HUWE1: variants seen among roughly 807,000 people sequenced by gnomAD.
The protein encoded by HUWE1 is E3 ubiquitin-protein ligase HUWE1.
In HUWE1, 18 loss-of-function variants were observed where a neutral mutation model predicts 299.4. The ratio of observed to expected loss-of-function variants is 0.06; its 90% CI spans 0.04 to 0.09. HUWE1 has a LOEUF of 0.09. Ranked by LOEUF, HUWE1 falls within the 10% of genes least tolerant of loss-of-function variation. The pLI, the probability that HUWE1 is intolerant of heterozygous loss-of-function variation, is 1.00. For synonymous variants in HUWE1, 1,317 were observed against 1,286.1 expected, an observed-to-expected ratio of 1.02 and a Z score of -0.51; for missense variants, 1,832 against 3,462.3, an observed-to-expected ratio of 0.53 and a Z score of 11.82.
intron 23 of HUWE1, among the ~76,000 whole-genome samples, chrX:53,611,689 C>T (rs1301422985): frequency 4.6e-5 from 5 of 109,674 alleles, no homozygotes; most frequent in Non-Finnish European, 9.5e-5. Flanking sequence ...AAAACCCCAT[C>T]TCTACTAAAA....
At chrX:53,597,018 T>A (rs2064520433) in intron 29 of HUWE1, among the ~76,000 whole-genome samples, 1 of 112,120 alleles carries the variant, frequency 8.9e-6, no homozygotes, top group South Asian at 3.7e-4. Context: ...TTTATGTGGG[T>A]ACAGGATTGC....
chrX:53,625,915 G>T (rs782464101), intron 17 of HUWE1: 1 of 376,448 alleles, frequency 2.7e-6, no homozygotes, highest in South Asian at 2.4e-5. Flanking sequence ...CTGGGACCAG[G>T]GCTGGGGCCA....
At chrX:53,535,922 G>GTTTTTTTTTTTTTTTTTTTTTTTTTTTT in intron 80 of HUWE1, 1 of 172,670 alleles carries the variant, frequency 5.8e-6, no homozygotes, top group Non-Finnish European at 1.0e-5. Flanking sequence ...ATGTACTGGA[G>GTTTTTTTTTTTTTTTTTTTTTTTTTTTT]TTTTTTTTTT....
chrX:53,540,461 T>C (rs1461623436), intron 74 of HUWE1, among the ~76,000 whole-genome samples: 1 of 111,207 alleles, frequency 9.0e-6, no homozygotes, highest in Non-Finnish European at 1.9e-5. Context: ...CCTGAGTAGC[T>C]GGAATTACAG....
intron 43 of HUWE1, among the ~76,000 whole-genome samples, chrX:53,577,576 C>A (rs1428830960): frequency 2.7e-5 from 3 of 112,610 alleles, no homozygotes; most frequent in Non-Finnish European, 3.8e-5. Flanking sequence ...CGAGCCAAAG[C>A]TGGACGGTAC....
chrX:53,656,049 A>C, intron 3 of HUWE1, among the ~76,000 whole-genome samples: 1 of 111,317 alleles, frequency 9.0e-6, no homozygotes, highest in Non-Finnish European at 1.9e-5. Context: ...ACTGCACTCC[A>C]GCCTGGGCAA....
intron 77 of HUWE1, among the ~76,000 whole-genome samples, 174 bp from the exon 78 acceptor site, chrX:53,537,870 C>A (rs184399966): frequency 3.5e-4 from 39 of 111,531 alleles, no homozygotes; most frequent in African/African-American, 1.1e-3. Flanking sequence ...TCACTCATTA[C>A]CAACTCTAAA....
intron 59 of HUWE1, among the ~76,000 whole-genome samples, chrX:53,557,670 G>A (rs1367387797): frequency 9.0e-6 from 1 of 111,521 alleles, no homozygotes; most frequent in African/African-American, 3.3e-5. Flanking sequence ...TGGAAGGAAA[G>A]GATAATAAAA....
Position 53,607,561 on chromosome X carries a change from C to A in HUWE1, c.2458G>T (p.Ala820Ser). The A allele has an allele frequency of 1.7e-6, 2 of 1,211,258 alleles. No homozygotes were observed. Among genetic ancestry groups the A allele is most frequent in the Non-Finnish European group, 2.2e-6 (2 of 894,887 alleles). Residue 820 changes from alanine (A) to serine (S), a missense_variant, in exon 25 of 84, where the codon GCC becomes TCC. Around this residue, in one of 15 missense-constraint regions of HUWE1, gnomAD observed 658 missense variants for 1,282.6 expected, o/e 0.51. Transcript: ENST00000262854. ...NLPIDFPTSAACQAVAGVCKS... is the reference protein window; with the variant it reads ...NLPIDFPTSASCQAVAGVCKS... ...CAGACACCTGCAACAGCCTGACAGG[C>A]AGCAGATGTGGGAAAGTCAATGGGC... is the stretch of plus-strand genomic sequence containing the variant.
chrX:53,551,278 G>A lies in HUWE1; in HGVS notation c.9084C>T (p.Ala3028=). ...CCCGCTCACATACTTCCTCCTGAATGGCTGGAGGCAGGGCAGCCAGAAACT... is the reference window on the plus strand; with the variant it reads ...CCCGCTCACATACTTCCTCCTGAATAGCTGGAGGCAGGGCAGCCAGAAACT... ...SPEFLAALPP[A]IQEEVLAQQR... is the part of the protein sequence containing the mutation. Residue 3028 remains alanine, a synonymous_variant, in exon 64 of 84, where the codon GCC becomes GCT. Transcript: ENST00000262854. 2 of 1,210,604 alleles carry A rather than the reference G, an allele frequency of 1.7e-6. No homozygotes were observed. Among genetic ancestry groups the A allele is most frequent in the South Asian group, 1.8e-5 (1 of 56,816 alleles).
chrX:53,538,108 A>T (rs1602500356), intron 77 of HUWE1, among the ~76,000 whole-genome samples: 1 of 111,418 alleles, frequency 9.0e-6, no homozygotes, highest in African/African-American at 3.3e-5. Context: ...GTGGTTCAAA[A>T]ATCATGTGAC....
In HUWE1 at chrX:53,554,746, C is replaced by A. The variant is rs200536201; in HGVS notation, c.8381G>T (p.Gly2794Val). Residue 2794 changes from glycine to valine, a missense_variant, in exon 61 of 84, where the codon GGG (glycine) becomes GTG (valine). Around this residue, in one of 15 missense-constraint regions of HUWE1, gnomAD observed 143 missense variants for 148.1 expected, o/e 0.97. Transcript: ENST00000262854. ...CATCAATAGCTGTGTAGAGCTGCCC[C>A]CTTCTCCAGCTGGAGACTGCAGCTC... ...PQELQSPAGE[G>V]GSSTQLLMPV... 5.2e-5 allele frequency: 63 copies of A among 1,207,628 alleles called. No homozygotes were observed. Among genetic ancestry groups the A allele is most frequent in the Non-Finnish European group, 7.0e-5 (63 of 894,339 alleles).
intron 19 of HUWE1, among the ~76,000 whole-genome samples, chrX:53,622,488 A>G (rs992159134): frequency 1.8e-5 from 2 of 111,641 alleles, no homozygotes; most frequent in Non-Finnish European, 3.8e-5. Flanking sequence ...GCCTCATCAG[A>G]ATCTTTGGTG....
chrX:53,564,502 C>T, intron 51 of HUWE1, 72 bp downstream of exon 51: 1 of 1,140,627 alleles, frequency 8.8e-7, no homozygotes, highest in Non-Finnish European at 1.2e-6. Flanking sequence ...AAGTACTCAC[C>T]CACCCACACC....
In HUWE1 at chrX:53,539,019, A is replaced by C. The variant is rs1556915965; in HGVS notation, c.11694T>G (p.Pro3898=). ...GGCTCTCACGGGTGTCTCGGACAGG[A>C]GGCTTGCTCTCCCGCTCTGTGGCAT... is the stretch of plus-strand genomic sequence containing the variant. ...LVHATERESK[P]PVRDTRESQL... is the part of the protein sequence containing the mutation. The change falls in exon 76 of 84, where the codon CCT becomes CCG. Residue 3898 remains proline (P), a synonymous_variant. Transcript: ENST00000262854. The C allele has an allele frequency of 8.3e-7, 1 of 1,208,766 alleles. No homozygotes were observed. The highest frequency in any genetic ancestry group is 2.2e-5 in the Admixed American group (1 of 45,862).
At chrX:53,554,235 T>C (rs1390667948) in intron 61 of HUWE1, among the ~76,000 whole-genome samples, 1 of 111,073 alleles carries the variant, frequency 9.0e-6, no homozygotes, top group Non-Finnish European at 1.9e-5. Flanking sequence ...GAGTTTTTTT[T>C]TCCCCCCAAT....
In HUWE1 at chrX:53,649,172, G is replaced by A. The variant is rs369741420; in HGVS notation, c.46-862C>T. Among the ~76,000 whole-genome samples, 26 of 112,265 alleles carry A rather than the reference G, an allele frequency of 2.3e-4. No individual in the cohort carries two copies. The South Asian group carries it at 9.7e-3, about 42-fold the overall frequency. On this transcript the variant is annotated intron_variant, in intron 4 of 83. Transcript: ENST00000262854. ...CATGTTTACTAAGCTGTTTGATCATGAGCAAGTCTAACCTCTAAGCCACAG... is the reference window on the plus strand; with the variant it reads ...CATGTTTACTAAGCTGTTTGATCATAAGCAAGTCTAACCTCTAAGCCACAG...
chrX:53,651,766 T>C (rs2068489064), intron 4 of HUWE1, among the ~76,000 whole-genome samples: 1 of 111,151 alleles, frequency 9.0e-6, no homozygotes, highest in Non-Finnish European at 1.9e-5. Flanking sequence ...CTGGTATAAT[T>C]TTATACCCAC....
rs782259876 is a variant in HUWE1 at position 53,536,471 on chromosome X, G to A, written c.12334C>T (p.Arg4112Cys). 8.3e-6 allele frequency: 10 copies of A among 1,208,731 alleles called. No individual in the cohort carries two copies. The highest frequency in any genetic ancestry group is 1.8e-5 in the South Asian group (1 of 56,758). Reference protein sequence around the residue: ...NHLSYFKFVGRIVAKAVYDNR... With the variant: ...NHLSYFKFVGCIVAKAVYDNR... ...TCATATACAGCTTTGGCCACAATGCGTCCGACAAACTTGAAGTAGCTGAGG... is the reference window on the plus strand; with the variant it reads ...TCATATACAGCTTTGGCCACAATGCATCCGACAAACTTGAAGTAGCTGAGG... Residue 4112 changes from arginine (R) to cysteine (C), a missense_variant, in exon 79 of 84, where the codon CGC (arginine) becomes TGC (cysteine). Transcript: ENST00000262854.
Sources: allele counts gnomAD v4.1 joint callset (sites outside exome capture counted in the v4.1 genomes callset), GRCh38; gene constraint gnomAD v4.1.1; regional missense constraint gnomAD v4.1.1; transcripts MANE v1.5; gene names NCBI Gene and HGNC (gene_info 2026-07-23, HGNC 2026-07-21).